Variants in MIPEP observed in about 807,000 individuals in gnomAD.
MIPEP encodes the protein mitochondrial intermediate peptidase.
A neutral mutation model predicts 90.3 loss-of-function variants in MIPEP; 79 were observed. The observed-to-expected ratio is 0.87, with a 90% confidence interval of 0.73 to 1.05. The LOEUF is 1.05. Ranked by LOEUF, MIPEP falls within the 50% of genes least tolerant of loss-of-function variation. MIPEP has a pLI of 0.00. For missense variants in MIPEP, 940 were observed against 905.6 expected (o/e 1.04, Z -0.49); for synonymous variants, 334 against 315.8 (o/e 1.06, Z -0.61).
intron 14 of MIPEP, among the ~76,000 whole-genome samples, chr13:23,834,955 C>A (rs1414039422): frequency 6.6e-6 from 1 of 151,920 alleles, no homozygotes; most frequent in Admixed American, 6.6e-5. Context: ...AAATCTGCCA[C>A]CGTAATAACT....
intron 16 of MIPEP, among the ~76,000 whole-genome samples, chr13:23,804,181 T>C (rs368076445): frequency 1.2e-3 from 187 of 152,348 alleles, no homozygotes; most frequent in African/African-American, 4.3e-3. Context: ...AAGGAAGTTT[T>C]CTTTTAAAAA....
At chr13:23,876,547 G>T (rs1325745097) in intron 4 of MIPEP, among the ~76,000 whole-genome samples, 6 of 152,134 alleles carry the variant, frequency 3.9e-5, no homozygotes, top group African/African-American at 1.4e-4. Flanking sequence ...TTTGTGAAAT[G>T]AGAGTTTCAC....
At chr13:23,800,928 T>C (rs1593161980) in intron 16 of MIPEP, among the ~76,000 whole-genome samples, 1 of 152,336 alleles carries the variant, frequency 6.6e-6, no homozygotes, top group East Asian at 1.9e-4. Context: ...AGATAACTAG[T>C]GCGACACTTT....
rs148867683 is a variant in MIPEP at position 23,768,560 on chromosome 13, AC to A, written c.1849-8344del. Among the ~76,000 whole-genome samples the A allele has an allele frequency of 4.1e-3, 618 of 152,248 alleles. 5 individuals are homozygous for A. Among genetic ancestry groups the A allele is most frequent in the African/African-American group, 0.014 (583 of 41,542 alleles). ...GTGATAACCCATCTCTACCAAAAAAACAAAACAAAACAAAAACAACCCAAAA... is the reference window on the plus strand; with the variant it reads ...GTGATAACCCATCTCTACCAAAAAAAAAAACAAAACAAAAACAACCCAAAA... On this transcript the variant is annotated intron_variant, in intron 16 of 18. Transcript: ENST00000382172.
At position 23,760,151 on chromosome 13, in the gene MIPEP, T is replaced by C. The variant is rs1952525414; in HGVS notation, c.1915A>G (p.Arg639Gly). Residue 639 changes from arginine (R) to glycine (G), a missense_variant, in exon 17 of 19, where the codon AGA becomes GGA. Physicochemically the swap from Arg to Gly is moderately radical, Grantham distance 125 (BLOSUM62 -2). Transcript: ENST00000382172. Reference sequence around the variant, plus strand: ...TTCCAAACCATGGAGGCGACCGCTCTGGACATGAGGTAAGAGTAATATCTA... The same window carrying C: ...TTCCAAACCATGGAGGCGACCGCTCCGGACATGAGGTAAGAGTAATATCTA... ...GARYYSYLMS[R>G]AVASMVWKEC... 6.2e-7 allele frequency: 1 copy of C among 1,614,028 alleles called. No individual in the cohort carries two copies.
intron 16 of MIPEP, among the ~76,000 whole-genome samples, chr13:23,804,865 A>G (rs1953089051): frequency 6.6e-6 from 1 of 152,232 alleles, no homozygotes; most frequent in South Asian, 2.1e-4. Context: ...TATAGTTTAC[A>G]AAACACTTTC....
chr13:23,754,723 C>G (rs544652426), intron 18 of MIPEP, among the ~76,000 whole-genome samples: 3 of 152,272 alleles, frequency 2.0e-5, no homozygotes, highest in Non-Finnish European at 4.4e-5. Context: ...AAGGATGAGC[C>G]AAGCACGGCT....
At chr13:23,775,818 T>C (rs908302893) in intron 16 of MIPEP, among the ~76,000 whole-genome samples, 1 of 152,156 alleles carries the variant, frequency 6.6e-6, no homozygotes, top group Admixed American at 6.5e-5. Context: ...ATAAATCAAA[T>C]GGAGGAACTT....
intron 17 of MIPEP, among the ~76,000 whole-genome samples, chr13:23,758,053 A>G (rs1363363438): frequency 6.6e-6 from 1 of 152,188 alleles, no homozygotes; most frequent in Non-Finnish European, 1.5e-5. Flanking sequence ...ACATGCTGAC[A>G]TCAAACACTA....
At chr13:23,740,960 G>T (rs1192835320) in intron 18 of MIPEP, among the ~76,000 whole-genome samples, 1 of 152,238 alleles carries the variant, frequency 6.6e-6, no homozygotes, top group East Asian at 1.9e-4. Flanking sequence ...GTCCAAGGCT[G>T]CCCAGGAGAG....
intron 16 of MIPEP, among the ~76,000 whole-genome samples, chr13:23,792,105 T>C (rs1366742620): frequency 2.0e-5 from 3 of 152,132 alleles, no homozygotes; most frequent in Non-Finnish European, 4.4e-5. Context: ...TCCTCCTCAC[T>C]GTCCCCGCCT....
chr13:23,781,963 T>C (rs1952787479), intron 16 of MIPEP, among the ~76,000 whole-genome samples: 1 of 151,712 alleles, frequency 6.6e-6, no homozygotes, highest in Non-Finnish European at 1.5e-5. Flanking sequence ...AGCAAGTCCT[T>C]AGAGATCTAC....
intron 16 of MIPEP, among the ~76,000 whole-genome samples, chr13:23,786,078 T>A (rs1303977987): frequency 1.3e-5 from 2 of 151,858 alleles, no homozygotes; most frequent in African/African-American, 2.4e-5. Context: ...TAAAAAAAAA[T>A]TAACCAGGCA....
intron 14 of MIPEP, among the ~76,000 whole-genome samples, chr13:23,829,086 A>G (rs1868611694): frequency 6.6e-6 from 1 of 152,236 alleles, no homozygotes; most frequent in African/African-American, 2.4e-5. Context: ...TAAATTACTC[A>G]CTAAATGGTG....
chr13:23,803,601 TGA>T (rs1953073346), intron 16 of MIPEP, among the ~76,000 whole-genome samples: 1 of 152,186 alleles, frequency 6.6e-6, no homozygotes, highest in Admixed American at 6.5e-5. Context: ...AACCTATATT[TGA>T]GAGTCTATTA....
intron 11 of MIPEP, 143 bp downstream of exon 11, chr13:23,841,192 T>C (rs1266166997): frequency 1.5e-6 from 1 of 667,620 alleles, no homozygotes; most frequent in Non-Finnish European, 2.4e-6. Context: ...AAGTGCAATT[T>C]GGATTTTTTT....
intron 10 of MIPEP, among the ~76,000 whole-genome samples, chr13:23,856,323 G>T (rs1870045281): frequency 6.6e-6 from 1 of 152,174 alleles, no homozygotes; most frequent in South Asian, 2.1e-4. Flanking sequence ...AAGGGGTTTG[G>T]CTGGGATAAA....
At chr13:23,760,038 A>T (rs1952523544) in intron 17 of MIPEP, 58 bp downstream of exon 17, 1 of 1,608,434 alleles carries the variant, frequency 6.2e-7, no homozygotes, top group Non-Finnish European at 8.5e-7. Context: ...TCCAGATGTA[A>T]TAGAGTGGGG....
At chr13:23,844,797 G>A (rs1472039477) in intron 10 of MIPEP, among the ~76,000 whole-genome samples, 1 of 151,546 alleles carries the variant, frequency 6.6e-6, no homozygotes, top group East Asian at 1.9e-4. Context: ...ATTATGTGTT[G>A]GGCAAAATTC....
Sources: gnomAD v4.1 joint callset for allele counts (sites outside exome capture counted in the v4.1 genomes callset) on GRCh38, gnomAD v4.1.1 for gene constraint, MANE v1.5 for transcripts, NCBI Gene and HGNC (gene_info 2026-07-23, HGNC 2026-07-21) for gene names.